Variants in GPR82 observed in about 807,000 individuals in gnomAD.
The protein encoded by GPR82 is probable G protein-coupled receptor 82.
Under a neutral mutation model 12.9 loss-of-function variants are expected in GPR82, and 6 were observed. That is an observed-to-expected ratio of 0.46 (90% CI 0.25 to 0.92). The LOEUF is 0.92. GPR82 is among the 40% of genes least tolerant of loss of function. The probability of loss-of-function intolerance (pLI) is 0.16; values close to 1 mark genes in which losing one functional copy is unlikely to be tolerated. For synonymous variants in GPR82, 90 were observed against 87.6 expected, an observed-to-expected ratio of 1.03 and a Z score of -0.15; for missense variants, 241 against 245.5, an observed-to-expected ratio of 0.98 and a Z score of 0.12.
intron 1 of GPR82, among the ~76,000 whole-genome samples, chrX:41,724,927 G>A (rs1054747330): frequency 1.4e-4 from 16 of 112,359 alleles, no homozygotes; most frequent in Non-Finnish European, 2.6e-4. Flanking sequence ...CAATCCTTAT[G>A]TAAAATCAAA....
Position 41,729,166 on chromosome X carries a change from T to G in GPR82, c.*1129T>G, listed in dbSNP as rs150788496. 2 of 123,605 alleles carry G rather than the reference T, an allele frequency of 1.6e-5. No individual in the cohort carries two copies. Among genetic ancestry groups the G allele is most frequent in the East Asian group, 5.6e-4 (2 of 3,585 alleles). 10.2% of individuals were successfully genotyped at this position (123,605 alleles called of 1,213,427 possible). ...AGATTGATCTCTGAAGTTATACTTC[T>G]TGGGTTCAATCTGGCTCTACTTTTT... On this transcript the variant is annotated 3_prime_UTR_variant, in exon 3 of 3. Coordinates refer to ENST00000302548, the MANE Select transcript of GPR82 (RefSeq NM_080817.5).
At position 41,727,066 on chromosome X, in the gene GPR82, T is replaced by C. The variant is rs760344682; in HGVS notation, c.40T>C (p.Ser14Pro). 3 of 1,168,414 alleles carry C rather than the reference T, an allele frequency of 2.6e-6. No individual in the cohort carries two copies. In the African/African-American group the frequency reaches 5.3e-5, roughly 21 times the overall value. Reference sequence around the variant, plus strand: ...AACATGTATTCAACCATCTATGATCTCTTCCATGGCTTTACCAATCATTTA... The same window carrying C: ...AACATGTATTCAACCATCTATGATCCCTTCCATGGCTTTACCAATCATTTA... ...NTTCIQPSMI[S>P]SMALPIIYIL... is the part of the protein sequence containing the mutation. The change falls in exon 3 of 3, where the codon TCT becomes CCT. Residue 14 changes from serine to proline, a missense_variant. By Grantham distance (74) the Ser-to-Pro change is moderately conservative. Transcript: ENST00000302548.
Position 41,728,481 on chromosome X carries a change from G to A in GPR82, c.*444G>A, listed in dbSNP as rs779304340. ...TAAGTAGCTGGGCACAGTGGCTTAC[G>A]CCTGTAATCCCAGCACTTTGGGAGG... On this transcript the variant is annotated 3_prime_UTR_variant, in exon 3 of 3. Coordinates refer to ENST00000302548, the MANE Select transcript of GPR82 (RefSeq NM_080817.5). 8.0e-6 allele frequency: 1 copy of A among 124,512 alleles called. No individual in the cohort carries two copies. Among genetic ancestry groups the A allele is most frequent in the South Asian group, 3.6e-4 (1 of 2,777 alleles). 10.3% of individuals were successfully genotyped at this position (124,512 alleles called of 1,213,427 possible). A position where few individuals can be genotyped will look rare whatever the true frequency, so the allele number is the denominator to read the frequency against.
At position 41,724,294 on chromosome X, in the gene GPR82, G is replaced by C. The variant is rs1014248162; in HGVS notation, c.-106+5G>C. Reference sequence around the variant, plus strand: ...TGGCATAAACTACTCATACAGGTAAGAGTGATTATTATTCATTTTTAGCTT... The same window carrying C: ...TGGCATAAACTACTCATACAGGTAACAGTGATTATTATTCATTTTTAGCTT... On this transcript the variant is annotated splice_donor_5th_base_variant and intron_variant, in intron 1 of 2. Transcript: ENST00000302548. 8.9e-6 allele frequency: 1 copy of C among 112,538 alleles called. No homozygotes were observed. The highest frequency in any genetic ancestry group is 1.9e-5 in the Non-Finnish European group (1 of 53,289). The allele number at this position is 112,538 out of a possible 1,213,427, so 9.3% of individuals were successfully genotyped here. A position where few individuals can be genotyped will look rare whatever the true frequency, so the allele number is the denominator to read the frequency against.
chrX:41,726,299 GT>G (rs1157374739), intron 1 of GPR82, among the ~76,000 whole-genome samples: 1 of 112,118 alleles, frequency 8.9e-6, no homozygotes, highest in African/African-American at 3.2e-5. Flanking sequence ...AAGTATGACA[GT>G]TTAACATTAA....
In GPR82 at chrX:41,727,266, A is replaced by G. The variant is rs1458080441; in HGVS notation, c.240A>G (p.Gln80=). The G allele has an allele frequency of 8.3e-7, 1 of 1,208,874 alleles. No homozygotes were observed. Among genetic ancestry groups the G allele is most frequent in the East Asian group, 3.0e-5 (1 of 33,851 alleles). Residue 80 remains glutamine, a synonymous_variant, in exon 3 of 3, where the codon CAA becomes CAG. Coordinates refer to ENST00000302548, the MANE Select transcript of GPR82 (RefSeq NM_080817.5). ...GTATCTATTTCCTGAAAGGTTTCCA[A>G]TGGGAATATCAATCTGCTCAATGCA... ...FMSIYFLKGF[Q]WEYQSAQCRV...
In GPR82 at chrX:41,728,248, A is replaced by C; in HGVS notation, c.*211A>C. The C allele has an allele frequency of 6.7e-6, 2 of 298,365 alleles. No homozygotes were observed. Among genetic ancestry groups the C allele is most frequent in the South Asian group, 2.4e-4 (2 of 8,185 alleles). 24.6% of individuals were successfully genotyped at this position (298,365 alleles called of 1,213,427 possible). ...ATGGCAGAAACTTTCAGAAGCAAAA[A>C]TTAAGCATATTGAAAGGATCCCACT... On this transcript the variant is annotated 3_prime_UTR_variant, in exon 3 of 3. Transcript: ENST00000302548.
Position 41,729,749 on chromosome X carries a change from C to CAACA in GPR82, c.*1714_*1715insCAAA, listed in dbSNP as rs2068342837. 2 of 14,114 alleles carry CAACA rather than the reference C, an allele frequency of 1.4e-4. No individual in the cohort carries two copies. Among genetic ancestry groups the CAACA allele is most frequent in the African/African-American group, 5.7e-4 (2 of 3,535 alleles). 1.2% of individuals were successfully genotyped at this position (14,114 alleles called of 1,213,427 possible). A position where few individuals can be genotyped will look rare whatever the true frequency, so the allele number is the denominator to read the frequency against. On this transcript the variant is annotated 3_prime_UTR_variant, in exon 3 of 3. Coordinates refer to ENST00000302548, the MANE Select transcript of GPR82 (RefSeq NM_080817.5). ...TGGGCGACAGAGTGAGACTCTGTCT[C>CAACA]AAAAAAAAAAAAAAAAAAAAAAAAA...
intron 1 of GPR82, among the ~76,000 whole-genome samples, chrX:41,725,198 T>C (rs755602407): frequency 2.0e-4 from 22 of 112,053 alleles, no homozygotes; most frequent in Non-Finnish European, 3.8e-4. Context: ...AGAATCTTGT[T>C]ATTTAAACCC....
At position 41,729,781 on chromosome X, in the gene GPR82, A is replaced by AATAT. The variant is rs55635208; in HGVS notation, c.*1767_*1770dup. 0.054 allele frequency: 2,069 copies of AATAT among 38,526 alleles called. 81 individuals carry two copies. Among genetic ancestry groups the AATAT allele is most frequent in the Non-Finnish European group, 0.065 (1,431 of 21,904 alleles). The allele number at this position is 38,526 out of a possible 1,213,427, so 3.2% of individuals were successfully genotyped here. A position where few individuals can be genotyped will look rare whatever the true frequency, so the allele number is the denominator to read the frequency against. Reference sequence around the variant, plus strand: ...AAAAAAAAAAAAAAAAAAAAAAAAAAATATATATATATATATATATATATA... The same window carrying AATAT: ...AAAAAAAAAAAAAAAAAAAAAAAAAAATATATATATATATATATATATATATATA... On this transcript the variant is annotated 3_prime_UTR_variant, in exon 3 of 3. Coordinates refer to ENST00000302548, the MANE Select transcript of GPR82 (RefSeq NM_080817.5).
Position 41,729,749 on chromosome X carries a change from CAAAAAAAAAAAAAAAAA to C in GPR82, c.*1729_*1745del, listed in dbSNP as rs1162361118. 6.4e-4 allele frequency: 9 copies of C among 14,114 alleles called. No homozygotes were observed. The highest frequency in any genetic ancestry group is 1.6e-3 in the Admixed American group (1 of 636). The allele number at this position is 14,114 out of a possible 1,213,427, so 1.2% of individuals were successfully genotyped here. A position where few individuals can be genotyped will look rare whatever the true frequency, so the allele number is the denominator to read the frequency against. On this transcript the variant is annotated 3_prime_UTR_variant, in exon 3 of 3. Coordinates refer to ENST00000302548, the MANE Select transcript of GPR82 (RefSeq NM_080817.5). Reference sequence around the variant, plus strand: ...TGGGCGACAGAGTGAGACTCTGTCTCAAAAAAAAAAAAAAAAAAAAAAAAAAAAAAAAATATATATAT... The same window carrying C: ...TGGGCGACAGAGTGAGACTCTGTCTCAAAAAAAAAAAAAAAATATATATAT...
intron 1 of GPR82, among the ~76,000 whole-genome samples, chrX:41,726,140 G>T (rs1158587060): frequency 3.6e-5 from 4 of 111,834 alleles, no homozygotes; most frequent in Non-Finnish European, 5.6e-5. Context: ...ATAGAGACAG[G>T]GTCTCGCTAT....
intron 1 of GPR82, among the ~76,000 whole-genome samples, chrX:41,725,738 C>T (rs1428796867): frequency 1.8e-5 from 2 of 112,164 alleles, no homozygotes; most frequent in Non-Finnish European, 3.8e-5. Context: ...AAAGTAAAAA[C>T]CAGCATTTAT....
chrX:41,726,843 G>A lies in GPR82; in HGVS notation c.-35G>A. The A allele has an allele frequency of 3.3e-6, 1 of 305,393 alleles. No individual in the cohort carries two copies. The highest frequency in any genetic ancestry group is 1.8e-4 in the South Asian group (1 of 5,700). The allele number at this position is 305,393 out of a possible 1,213,427, so 25.2% of individuals were successfully genotyped here. A position where few individuals can be genotyped will look rare whatever the true frequency, so the allele number is the denominator to read the frequency against. On this transcript the variant is annotated splice_region_variant and 5_prime_UTR_variant, in exon 2 of 3. Transcript: ENST00000302548. Reference sequence around the variant, plus strand: ...CAACCGGACAATCGTGATTAGAAAAGGTAAGAAGCCATCTATACTTTCCCG... The same window carrying A: ...CAACCGGACAATCGTGATTAGAAAAAGTAAGAAGCCATCTATACTTTCCCG...
chrX:41,727,222 A>G lies in GPR82; in HGVS notation c.196A>G (p.Ser66Gly). The change falls in exon 3 of 3, where the codon AGT becomes GGT. Residue 66 changes from serine to glycine, a missense_variant. Coordinates refer to ENST00000302548, the MANE Select transcript of GPR82 (RefSeq NM_080817.5). ...HLVTANLLVC[S>G]AMPFMSIYFL... The stretch of plus-strand genomic sequence containing the variant: ...TGTGACTGCAAACTTACTTGTGTGC[A>G]GTGCCATGCCTTTCATGAGTATCTA... The G allele has an allele frequency of 1.7e-6, 2 of 1,202,246 alleles. No individual in the cohort carries two copies. Among genetic ancestry groups the G allele is most frequent in the Non-Finnish European group, 2.3e-6 (2 of 886,830 alleles).
chrX:41,726,738 G>A (rs1244373280), intron 1 of GPR82, 35 bp from the exon 2 acceptor site: 1 of 192,244 alleles, frequency 5.2e-6, no homozygotes, highest in African/African-American at 2.9e-5. Flanking sequence ...TAAATCCCAG[G>A]CATGTAACTA....
At chrX:41,726,052 C>T (rs1218559513) in intron 1 of GPR82, among the ~76,000 whole-genome samples, 1 of 112,299 alleles carries the variant, frequency 8.9e-6, no homozygotes, top group Non-Finnish European at 1.9e-5. Context: ...ACCATGTTGC[C>T]CAGGCTGGCC....
At chrX:41,726,965 A>T in intron 2 of GPR82, 28 bp from the exon 3 acceptor site, 2 of 596,057 alleles carry the variant, frequency 3.4e-6, no homozygotes, top group Non-Finnish European at 5.1e-6. Flanking sequence ...AATAATTTTA[A>T]TATTAAATAT....
chrX:41,728,185 T>C lies in GPR82; in HGVS notation c.*148T>C, dbSNP rs753100350. On this transcript the variant is annotated 3_prime_UTR_variant, in exon 3 of 3. Transcript: ENST00000302548. ...GTTTTTAAAAATAAATAAACATATATTCATAAAACTCAAAAAACAGTTATA... is the reference window on the plus strand; with the variant it reads ...GTTTTTAAAAATAAATAAACATATACTCATAAAACTCAAAAAACAGTTATA... 6.6e-5 allele frequency: 24 copies of C among 363,553 alleles called. No homozygotes were observed. The highest frequency in any genetic ancestry group is 1.1e-4 in the Non-Finnish European group (23 of 209,624). 30.0% of individuals were successfully genotyped at this position (363,553 alleles called of 1,213,427 possible). A position where few individuals can be genotyped will look rare whatever the true frequency, so the allele number is the denominator to read the frequency against.
Sources: gnomAD v4.1 joint callset for allele counts (sites outside exome capture counted in the v4.1 genomes callset) on GRCh38, gnomAD v4.1.1 for gene constraint, MANE v1.5 for transcripts, NCBI Gene and HGNC (gene_info 2026-07-23, HGNC 2026-07-21) for gene names.